Variants in PHF21A observed in about 807,000 individuals in gnomAD.
PHF21A encodes the protein BHC80a.
A neutral mutation model predicts 82.5 loss-of-function variants in PHF21A; 11 were observed. That is an observed-to-expected ratio of 0.13 (90% CI 0.08 to 0.22). PHF21A has a LOEUF of 0.22. PHF21A is among the 10% of genes least tolerant of loss of function. The pLI is 1.00. For missense variants in PHF21A, 579 were observed against 837.8 expected (o/e 0.69, Z 3.81); for synonymous variants, 297 against 302.8 (o/e 0.98, Z 0.20).
chr11:45,970,304 T>C (rs550705827), intron 8 of PHF21A: 6 of 193,966 alleles, frequency 3.1e-5, no homozygotes, highest in Non-Finnish European at 6.3e-5. Context: ...TTTATTCCTA[T>C]AGAAAATTTT....
At chr11:46,020,038 T>TA (rs2137789154) in intron 6 of PHF21A, among the ~76,000 whole-genome samples, 1 of 152,190 alleles carries the variant, frequency 6.6e-6, no homozygotes, top group South Asian at 2.1e-4. Context: ...ATGATGATAC[T>TA]AAAACAAAGA....
At chr11:45,987,020 A>G (rs567570681) in intron 6 of PHF21A, among the ~76,000 whole-genome samples, 17 of 152,288 alleles carry the variant, frequency 1.1e-4, no homozygotes, top group African/African-American at 4.1e-4. Flanking sequence ...GGTACATCCC[A>G]GATTTCTTAT....
At chr11:45,975,372 T>C (rs59660110) in intron 7 of PHF21A, among the ~76,000 whole-genome samples, 7,539 of 124,506 alleles carry the variant, frequency 0.061, 302 homozygotes, top group Middle Eastern at 0.14. Context: ...TAAAATAAAA[T>C]AAAATAAAAC....
chr11:46,001,509 C>T (rs1358237202), intron 6 of PHF21A, among the ~76,000 whole-genome samples: 1 of 151,984 alleles, frequency 6.6e-6, no homozygotes, highest in Non-Finnish European at 1.5e-5. Flanking sequence ...TCACATGCAC[C>T]ACAGCATCAA....
At chr11:46,016,446 T>C (rs2095519076) in intron 6 of PHF21A, among the ~76,000 whole-genome samples, 1 of 152,160 alleles carries the variant, frequency 6.6e-6, no homozygotes, top group Non-Finnish European at 1.5e-5. Context: ...CCTGCCTCTG[T>C]ACCTTTGCCT....
chr11:45,946,030 G>A (rs2091237957), intron 14 of PHF21A, 27 bp from the exon 15 acceptor site: 1 of 1,614,096 alleles, frequency 6.2e-7, no homozygotes, highest in Non-Finnish European at 8.5e-7. Context: ...GGGAACAAAA[G>A]GGAAAAACGG....
chr11:46,049,293 A>G, intron 6 of PHF21A: 2 of 364,046 alleles, frequency 5.5e-6, no homozygotes, highest in South Asian at 4.1e-5. Flanking sequence ...ATAGTAAGGT[A>G]TGTTGTCCTT....
intron 6 of PHF21A, among the ~76,000 whole-genome samples, chr11:46,061,103 A>C (rs1174119205): frequency 6.6e-6 from 1 of 152,196 alleles, no homozygotes; most frequent in Non-Finnish European, 1.5e-5. Context: ...AGGTTTGTCA[A>C]AGATCAGGTA....
At chr11:46,033,854 T>G (rs2095922175) in intron 6 of PHF21A, among the ~76,000 whole-genome samples, 1 of 152,242 alleles carries the variant, frequency 6.6e-6, no homozygotes, top group Non-Finnish European at 1.5e-5. Context: ...CTATTTCTAT[T>G]GGACAGTGCT....
chr11:46,100,132 A>C (rs2097073338), intron 1 of PHF21A, among the ~76,000 whole-genome samples: 1 of 152,236 alleles, frequency 6.6e-6, no homozygotes, highest in African/African-American at 2.4e-5. Flanking sequence ...CTGATAAGTA[A>C]GTAGTCCTAA....
At chr11:46,045,164 A>C (rs2096237152) in intron 6 of PHF21A, among the ~76,000 whole-genome samples, 1 of 152,172 alleles carries the variant, frequency 6.6e-6, no homozygotes, top group African/African-American at 2.4e-5. Context: ...TTTCTGGAGC[A>C]AAGTCCCAAT....
chr11:46,005,394 T>C (rs1412165022), intron 6 of PHF21A, among the ~76,000 whole-genome samples: 4 of 152,216 alleles, frequency 2.6e-5, no homozygotes, highest in Non-Finnish European at 5.9e-5. Context: ...GCACAATATA[T>C]TAACGCCTTG....
intron 9 of PHF21A, among the ~76,000 whole-genome samples, chr11:45,968,549 C>G (rs1209185587): frequency 6.6e-6 from 1 of 152,196 alleles, no homozygotes; most frequent in East Asian, 1.9e-4. Context: ...AAAGTTTTAT[C>G]AGGCTAACTC....
chr11:46,062,523 T>C (rs1280140182), intron 6 of PHF21A, among the ~76,000 whole-genome samples: 3 of 152,226 alleles, frequency 2.0e-5, no homozygotes, highest in Admixed American at 1.3e-4. Flanking sequence ...CTTGTTTCAC[T>C]AATGCAATAT....
intron 18 of PHF21A, 192 bp from the exon 19 acceptor site, chr11:45,934,417 G>A (rs751580003): frequency 8.8e-6 from 5 of 567,086 alleles, no homozygotes; most frequent in African/African-American, 1.9e-5. Flanking sequence ...GGGTGGAGTG[G>A]GTAGGCTGGG....
Position 45,945,801 on chromosome 11 carries a change from G to A in PHF21A, c.1452+39C>T, listed in dbSNP as rs1312967000. 7 of 1,518,050 alleles carry A rather than the reference G, an allele frequency of 4.6e-6. No individual in the cohort carries two copies. The South Asian group carries it at 8.9e-5, about 19-fold the overall frequency. 94.0% of individuals were successfully genotyped at this position (1,518,050 alleles called of 1,614,324 possible). ...TATGATAACGCTTTTCCCAATTTAAGCTCTCAGAAAGACAGTGTGCTTTTC... is the reference window on the plus strand; with the variant it reads ...TATGATAACGCTTTTCCCAATTTAAACTCTCAGAAAGACAGTGTGCTTTTC... On this transcript the variant is annotated intron_variant, in intron 15 of 18. Coordinates refer to ENST00000676320, the MANE Select transcript of PHF21A (RefSeq NM_001352027.3).
intron 1 of PHF21A, among the ~76,000 whole-genome samples, chr11:46,094,619 C>T (rs1423988580): frequency 6.6e-6 from 1 of 152,194 alleles, no homozygotes; most frequent in Admixed American, 6.5e-5. Flanking sequence ...TGGCCGTGCA[C>T]AGTGGCTCAT....
intron 7 of PHF21A, among the ~76,000 whole-genome samples, chr11:45,975,413 C>A (rs1381959672): frequency 6.8e-6 from 1 of 146,280 alleles, no homozygotes; most frequent in Admixed American, 6.7e-5. Context: ...AGATGAACTC[C>A]AATATACAAA....
Position 45,933,733 on chromosome 11 carries a change from C to T in PHF21A, c.*235G>A, listed in dbSNP as rs1351198855. 9.8e-6 allele frequency: 4 copies of T among 407,868 alleles called. No homozygotes were observed. Among genetic ancestry groups the T allele is most frequent in the Non-Finnish European group, 1.3e-5 (3 of 232,504 alleles). 25.3% of individuals were successfully genotyped at this position (407,868 alleles called of 1,614,324 possible). On this transcript the variant is annotated 3_prime_UTR_variant, in exon 19 of 19. Transcript: ENST00000676320. The stretch of plus-strand genomic sequence containing the variant: ...ACTTGGCATGGTGCTGGCAAAGAAC[C>T]TCCAGCTGGCACTATTTCATGTAAC...
Sources: allele counts gnomAD v4.1 joint callset (sites outside exome capture counted in the v4.1 genomes callset), GRCh38; gene constraint gnomAD v4.1.1; transcripts MANE v1.5; gene names NCBI Gene and HGNC (gene_info 2026-07-23, HGNC 2026-07-21).